Variants in PTPRD observed in about 807,000 individuals in gnomAD.
The protein encoded by PTPRD is receptor-type tyrosine-protein phosphatase delta.
In PTPRD, 34 loss-of-function variants were observed where a neutral mutation model predicts 214.5. The ratio of observed to expected loss-of-function variants is 0.16; its 90% confidence interval spans 0.12 to 0.21. The LOEUF (loss-of-function observed/expected upper bound fraction) is 0.21. PTPRD is among the 10% of genes least tolerant of loss of function. The probability of loss-of-function intolerance (pLI) is 1.00; values close to 1 mark genes in which losing one functional copy is unlikely to be tolerated. For missense variants in PTPRD, 2,545 were observed against 2,398.7 expected (o/e 1.06, Z -1.27); for synonymous variants, 1,128 against 845.7 (o/e 1.33, Z -5.79).
chr9:9,537,794 C>T (rs889849808), intron 8 of PTPRD, among the ~76,000 whole-genome samples: 1 of 151,896 alleles, frequency 6.6e-6, no homozygotes, highest in Non-Finnish European at 1.5e-5. Flanking sequence ...AGATACCACC[C>T]ATTATATAAC....
At chr9:9,056,250 C>A (rs577819233) in intron 10 of PTPRD, among the ~76,000 whole-genome samples, 2 of 152,156 alleles carry the variant, frequency 1.3e-5, no homozygotes, top group Non-Finnish European at 2.9e-5. Flanking sequence ...AAAAGATGAA[C>A]ATCTATTAAT....
rs114670506 is a variant in PTPRD, at chr9:9,886,809, C to T, written c.-368+51698G>A. 1.9e-3 allele frequency among the ~76,000 whole-genome samples: 292 copies of T among 152,232 alleles called. 5 individuals are homozygous for T. Among genetic ancestry groups the T allele is most frequent in the African/African-American group, 6.9e-3 (286 of 41,550 alleles). On this transcript the variant is annotated intron_variant, in intron 5 of 45. Coordinates refer to ENST00000381196, the MANE Select transcript of PTPRD (RefSeq NM_002839.4). ...TACATTTTGTTCAGTTGCCTTACTGCTGCCATGCTTTGATGAAGTTCAAAT... is the reference window on the plus strand; with the variant it reads ...TACATTTTGTTCAGTTGCCTTACTGTTGCCATGCTTTGATGAAGTTCAAAT...
intron 11 of PTPRD, among the ~76,000 whole-genome samples, chr9:8,799,686 G>A (rs2096532246): frequency 2.0e-5 from 3 of 152,076 alleles, no homozygotes; most frequent in Non-Finnish European, 1.5e-5. Flanking sequence ...AGCAGATGTA[G>A]CCAGGTTCAA....
intron 12 of PTPRD, among the ~76,000 whole-genome samples, chr9:8,724,737 C>T (rs1288058747): frequency 2.0e-5 from 3 of 151,832 alleles, no homozygotes; most frequent in Non-Finnish European, 2.9e-5. Flanking sequence ...ATTCTGAGAC[C>T]AGCCTGGGCA....
intron 3 of PTPRD, among the ~76,000 whole-genome samples, chr9:10,118,549 C>T (rs1200481707): frequency 6.6e-6 from 1 of 151,396 alleles, no homozygotes; most frequent in East Asian, 1.9e-4. Flanking sequence ...AGAAGTGATA[C>T]ATGTAAATTT....
intron 10 of PTPRD, among the ~76,000 whole-genome samples, chr9:9,156,099 T>G (rs1256738779): frequency 1.3e-5 from 2 of 152,194 alleles, no homozygotes; most frequent in African/African-American, 4.8e-5. Context: ...TTCTTGTTTA[T>G]TTAGGTGTAA....
chr9:10,220,569 T>C (rs2099567505), intron 3 of PTPRD, among the ~76,000 whole-genome samples: 1 of 151,968 alleles, frequency 6.6e-6, no homozygotes, highest in Non-Finnish European at 1.5e-5. Context: ...TTTAAAAAGT[T>C]AATTGACAGC....
At position 9,721,561 on chromosome 9, in the gene PTPRD, G is replaced by A. The variant is rs763307902; in HGVS notation, c.-287+12972C>T. On this transcript the variant is annotated intron_variant, in intron 7 of 45. Transcript: ENST00000381196. ...ATTCCTTAGACATGACAAGTTGATAGGAAAAGCCCGCATTTTGCTAAGATA... is the reference window on the plus strand; with the variant it reads ...ATTCCTTAGACATGACAAGTTGATAAGAAAAGCCCGCATTTTGCTAAGATA... 5.9e-5 allele frequency among the ~76,000 whole-genome samples: 9 copies of A among 152,234 alleles called. No homozygotes were observed. The South Asian group carries it at 6.2e-4, about 11-fold the overall frequency.
chr9:9,587,560 T>G (rs980216302), intron 7 of PTPRD, among the ~76,000 whole-genome samples: 3 of 151,552 alleles, frequency 2.0e-5, no homozygotes, highest in African/African-American at 7.3e-5. Flanking sequence ...GTTTGCTTCC[T>G]TCTAAGTATG....
intron 11 of PTPRD, among the ~76,000 whole-genome samples, chr9:8,923,989 T>G (rs532184452): frequency 6.6e-6 from 1 of 152,204 alleles, no homozygotes; most frequent in Non-Finnish European, 1.5e-5. Context: ...CTAAAAAGAT[T>G]GAACTGCTTT....
At chr9:8,730,856 G>A (rs1026570916) in intron 12 of PTPRD, among the ~76,000 whole-genome samples, 6 of 152,126 alleles carry the variant, frequency 3.9e-5, no homozygotes, top group Non-Finnish European at 4.4e-5. Flanking sequence ...AACAGAAGTC[G>A]CATATGCCCT....
Position 8,934,520 on chromosome 9 carries a change from A to ATATAT in PTPRD, c.-104+84176_-104+84177insATATA, listed in dbSNP as rs2098982871. ...ATATATATATAAATATATATATATAAATATATATATATATGGGAAACCATA... is the reference window on the plus strand; with the variant it reads ...ATATATATATAAATATATATATATAATATATATATATATATATATGGGAAACCATA... On this transcript the variant is annotated intron_variant, in intron 11 of 45. Transcript: ENST00000381196. Among the ~76,000 whole-genome samples, 2 of 17,062 alleles carry ATATAT rather than the reference A, an allele frequency of 1.2e-4. 1 individual carries two copies. Among genetic ancestry groups the ATATAT allele is most frequent in the East Asian group, 5.2e-3 (2 of 384 alleles). The allele number at this position is 17,062 out of a possible 152,430, so 11.2% of individuals were successfully genotyped here. A position where few individuals can be genotyped will look rare whatever the true frequency, so the allele number is the denominator to read the frequency against.
intron 3 of PTPRD, among the ~76,000 whole-genome samples, chr9:10,103,594 T>A (rs1563826508): frequency 6.6e-6 from 1 of 151,192 alleles, no homozygotes; most frequent in East Asian, 2.0e-4. Flanking sequence ...ATGGTTGTGC[T>A]TTTGTCTTAG....
At chr9:9,487,992 T>C (rs2095726680) in intron 8 of PTPRD, among the ~76,000 whole-genome samples, 1 of 151,982 alleles carries the variant, frequency 6.6e-6, no homozygotes, top group Non-Finnish European at 1.5e-5. Flanking sequence ...CCATGAGGTA[T>C]TTTATTTTTA....
At chr9:8,369,323 T>C (rs1032946619) in intron 39 of PTPRD, among the ~76,000 whole-genome samples, 2 of 152,176 alleles carry the variant, frequency 1.3e-5, no homozygotes, top group South Asian at 2.1e-4. Flanking sequence ...TTCATCACTA[T>C]TGGGTTGGGC....
intron 3 of PTPRD, among the ~76,000 whole-genome samples, chr9:10,245,390 T>A (rs2091911922): frequency 6.6e-6 from 1 of 152,184 alleles, no homozygotes; most frequent in African/African-American, 2.4e-5. Context: ...CACCATTTTA[T>A]CTATGATTTC....
chr9:8,730,739 T>C (rs1335421988), intron 12 of PTPRD, among the ~76,000 whole-genome samples: 1 of 152,216 alleles, frequency 6.6e-6, no homozygotes, highest in Non-Finnish European at 1.5e-5. Context: ...ATAATCTATA[T>C]GAATCTTTAA....
intron 3 of PTPRD, among the ~76,000 whole-genome samples, chr9:10,090,971 A>G (rs1302712649): frequency 1.4e-5 from 2 of 145,866 alleles, no homozygotes; most frequent in Non-Finnish European, 3.0e-5. Flanking sequence ...TGCATGTGGT[A>G]GAGTAACTGT....
At chr9:10,110,213 C>A (rs1333262078) in intron 3 of PTPRD, among the ~76,000 whole-genome samples, 1 of 152,166 alleles carries the variant, frequency 6.6e-6, no homozygotes, top group African/African-American at 2.4e-5. Context: ...ATCTACAGCA[C>A]TAAATCAAAT....
Sources: allele counts gnomAD v4.1 joint callset (sites outside exome capture counted in the v4.1 genomes callset), GRCh38; gene constraint gnomAD v4.1.1; transcripts MANE v1.5; gene names NCBI Gene and HGNC (gene_info 2026-07-23, HGNC 2026-07-21).